The following FAM149B1 variants were observed in gnomAD, a reference collection of about 807,000 sequenced individuals.
FAM149B1 encodes primary cilium assembly protein FAM149B1.
Under a neutral mutation model 75.3 loss-of-function variants are expected in FAM149B1, and 56 were observed. That is an observed-to-expected ratio of 0.74 (90% CI 0.60 to 0.93). The LOEUF (loss-of-function observed/expected upper bound fraction) is 0.93, where lower values mean the gene tolerates loss of function less well. Ranked by LOEUF, FAM149B1 falls within the 40% of genes least tolerant of loss-of-function variation. The probability of loss-of-function intolerance (pLI) is 0.00; values close to 1 mark genes in which losing one functional copy is unlikely to be tolerated. For synonymous variants in FAM149B1, 259 were observed against 256.1 expected, an observed-to-expected ratio of 1.01 and a Z score of -0.11; for missense variants, 639 against 708.4, an observed-to-expected ratio of 0.90 and a Z score of 1.11.
chr10:73,212,337 G>A (rs776531660), intron 7 of FAM149B1, among the ~76,000 whole-genome samples: 1 of 152,184 alleles, frequency 6.6e-6, no homozygotes, highest in Non-Finnish European at 1.5e-5. Flanking sequence ...CTGGAGTGCA[G>A]TGGTGTGATC....
At chr10:73,204,832 C>T (rs541590552) in intron 5 of FAM149B1, among the ~76,000 whole-genome samples, 284 of 131,540 alleles carry the variant, frequency 2.2e-3, no homozygotes, top group African/African-American at 7.4e-3. Flanking sequence ...GGCTGGAGTG[C>T]AGTGGTGCAA....
chr10:73,205,418 C>G (rs1450536930), intron 5 of FAM149B1, among the ~76,000 whole-genome samples: 1 of 152,140 alleles, frequency 6.6e-6, no homozygotes, highest in East Asian at 1.9e-4. Flanking sequence ...TAAGTTAAAG[C>G]TTCCTGCAGC....
chr10:73,216,314 C>A (rs2043298399), intron 7 of FAM149B1, among the ~76,000 whole-genome samples: 1 of 152,050 alleles, frequency 6.6e-6, no homozygotes, highest in Non-Finnish European at 1.5e-5. Context: ...TTCTTGTAGG[C>A]AGCATATAGT....
At position 73,185,946 on chromosome 10, in the gene FAM149B1, A is replaced by T. The variant is rs139610121; in HGVS notation, c.283-6610A>T. 3.5e-3 allele frequency among the ~76,000 whole-genome samples: 540 copies of T among 152,318 alleles called. 3 individuals are homozygous for T. Among genetic ancestry groups the T allele is most frequent in the African/African-American group, 0.012 (516 of 41,594 alleles). On this transcript the variant is annotated intron_variant, in intron 3 of 13. Transcript: ENST00000242505. ...AGAAAGAACAGTTCCTACCTAACTCATTCTATGAAGCCAGTATGACCTTGA... is the reference window on the plus strand; with the variant it reads ...AGAAAGAACAGTTCCTACCTAACTCTTTCTATGAAGCCAGTATGACCTTGA...
intron 7 of FAM149B1, among the ~76,000 whole-genome samples, chr10:73,223,237 A>AG (rs58890778): frequency 1 from 152,370 of 152,370 alleles, 76,185 homozygotes; most frequent in Non-Finnish European, 1. Flanking sequence ...CCCCCACAAG[A>AG]TAACCCCATC....
intron 5 of FAM149B1, among the ~76,000 whole-genome samples, chr10:73,207,215 C>T (rs2043085284): frequency 6.6e-6 from 1 of 152,130 alleles, no homozygotes; most frequent in African/African-American, 2.4e-5. Context: ...AAGGGGGTCA[C>T]CATCTTCCAG....
At chr10:73,222,225 G>C (rs140224541) in intron 7 of FAM149B1, among the ~76,000 whole-genome samples, 123 of 152,278 alleles carry the variant, frequency 8.1e-4, no homozygotes, top group African/African-American at 2.9e-3. Flanking sequence ...CTTGCAAACA[G>C]TTTGATCCAT....
At chr10:73,173,097 C>T (rs1375226881) in intron 1 of FAM149B1, among the ~76,000 whole-genome samples, 3 of 152,088 alleles carry the variant, frequency 2.0e-5, no homozygotes, top group South Asian at 2.1e-4. Context: ...CCAGCTTGGA[C>T]AACACAGCAA....
intron 1 of FAM149B1, 66 bp downstream of exon 1, chr10:73,168,452 C>CAGT: frequency 5.9e-6 from 9 of 1,527,896 alleles, no homozygotes; most frequent in Non-Finnish European, 7.9e-6. Flanking sequence ...CCTCCTTGAC[C>CAGT]AGTCCTTCGT....
At chr10:73,215,043 C>T (rs1430552057) in intron 7 of FAM149B1, among the ~76,000 whole-genome samples, 1 of 151,966 alleles carries the variant, frequency 6.6e-6, no homozygotes, top group Non-Finnish European at 1.5e-5. Context: ...AACAGAGTCT[C>T]ACTCTGTCAC....
chr10:73,178,091 C>A, intron 3 of FAM149B1, 116 bp downstream of exon 3: 2 of 1,067,462 alleles, frequency 1.9e-6, no homozygotes, highest in Non-Finnish European at 2.6e-6. Context: ...ATTTATCATA[C>A]TTCATAATAA....
In FAM149B1 at chr10:73,235,510, G is replaced by A; in HGVS notation, c.1602+192G>A. On this transcript the variant is annotated intron_variant, in intron 12 of 13. Transcript: ENST00000242505. ...TAGTCCCTGATGCCTATTCTTTAAT[G>A]CCTTATACAGAAATCACAAATATTC... 1.9e-5 allele frequency: 24 copies of A among 1,287,698 alleles called. 1 individual carries two copies. The South Asian group carries it at 3.7e-4, about 20-fold the overall frequency. 79.8% of individuals were successfully genotyped at this position (1,287,698 alleles called of 1,614,324 possible).
intron 13 of FAM149B1, among the ~76,000 whole-genome samples, chr10:73,239,693 G>T (rs1392753644): frequency 6.7e-6 from 1 of 149,354 alleles, no homozygotes; most frequent in Admixed American, 6.7e-5. Context: ...ACCCAAATTA[G>T]TCCTTGTTGT....
chr10:73,215,624 A>G (rs2043282450), intron 7 of FAM149B1, among the ~76,000 whole-genome samples: 1 of 151,852 alleles, frequency 6.6e-6, no homozygotes, highest in Non-Finnish European at 1.5e-5. Context: ...TTTTATTTTC[A>G]TTTGTTTCAG....
chr10:73,192,761 A>G, intron 4 of FAM149B1, 63 bp downstream of exon 4: 4 of 1,266,618 alleles, frequency 3.2e-6, no homozygotes, highest in Non-Finnish European at 4.2e-6. Context: ...AAGTAGATTT[A>G]AAAAAAAAGC....
chr10:73,187,733 A>G (rs934965451), intron 3 of FAM149B1, among the ~76,000 whole-genome samples: 1 of 150,870 alleles, frequency 6.6e-6, no homozygotes, highest in Admixed American at 6.6e-5. Context: ...CTGTCTCAAA[A>G]AAAAATTAGA....
chr10:73,169,460 T>C (rs1431317888), intron 1 of FAM149B1, among the ~76,000 whole-genome samples: 1 of 126,922 alleles, frequency 7.9e-6, no homozygotes, highest in Non-Finnish European at 1.6e-5. Flanking sequence ...GGGCCTTCAC[T>C]TTTTTTTTTT....
At chr10:73,175,416 T>C (rs1176896229) in intron 2 of FAM149B1, among the ~76,000 whole-genome samples, 1 of 151,878 alleles carries the variant, frequency 6.6e-6, no homozygotes, top group Non-Finnish European at 1.5e-5. Flanking sequence ...ACGCCTGTAA[T>C]CCCAACACTT....
chr10:73,238,240 G>A lies in FAM149B1; in HGVS notation c.1603-1072G>A, dbSNP rs142735327. Among the ~76,000 whole-genome samples, 436 of 152,224 alleles carry A rather than the reference G, an allele frequency of 2.9e-3. 2 individuals are homozygous for A. Among genetic ancestry groups the A allele is most frequent in the African/African-American group, 0.01 (417 of 41,542 alleles). ...TGCATGCCTGTAATCCCAGCTACTC[G>A]GGAGGCTAAGGCAGGAGAATTGCTT... is the stretch of plus-strand genomic sequence containing the variant. On this transcript the variant is annotated intron_variant, in intron 12 of 13. Transcript: ENST00000242505.
Sources: allele counts gnomAD v4.1 joint callset (sites outside exome capture counted in the v4.1 genomes callset), GRCh38; gene constraint gnomAD v4.1.1; transcripts MANE v1.5; gene names NCBI Gene and HGNC (gene_info 2026-07-23, HGNC 2026-07-21).